The following SLC4A4 variants were observed in gnomAD, a reference collection of about 807,000 sequenced individuals.
The protein encoded by SLC4A4 is solute carrier family 4 member 4, also known as electrogenic sodium bicarbonate cotransporter 1.
A neutral mutation model predicts 111.5 loss-of-function variants in SLC4A4; 27 were observed. The observed-to-expected ratio is 0.24, with a 90% CI of 0.18 to 0.33. The LOEUF (loss-of-function observed/expected upper bound fraction) is 0.33, where lower values mean the gene tolerates loss of function less well. SLC4A4 is among the 10% of genes least tolerant of loss of function. The pLI is 1.00. For synonymous variants in SLC4A4, 443 were observed against 463.4 expected, an observed-to-expected ratio of 0.96 and a Z score of 0.57; for missense variants, 909 against 1,315.5, an observed-to-expected ratio of 0.69 and a Z score of 4.78.
chr4:71,252,762 C>T (rs999224513), intron 2 of SLC4A4, among the ~76,000 whole-genome samples: 1 of 152,098 alleles, frequency 6.6e-6, no homozygotes. Flanking sequence ...CAGAGAGTGA[C>T]TGCAAATGGA....
chr4:71,384,815 G>A (rs1273789280), intron 6 of SLC4A4, among the ~76,000 whole-genome samples: 1 of 151,342 alleles, frequency 6.6e-6, no homozygotes, highest in African/African-American at 2.4e-5. Flanking sequence ...ATATTGACAG[G>A]GTCTTTTGAC....
intron 16 of SLC4A4, among the ~76,000 whole-genome samples, chr4:71,526,006 A>T (rs1187740358): frequency 6.6e-6 from 1 of 151,988 alleles, no homozygotes; most frequent in Non-Finnish European, 1.5e-5. Flanking sequence ...TACAGACCCC[A>T]TTGTGTATCT....
chr4:71,153,395 T>C (rs188425736), intron 2 of SLC4A4, among the ~76,000 whole-genome samples: 3 of 152,210 alleles, frequency 2.0e-5, no homozygotes, highest in Admixed American at 2.0e-4. Context: ...TCCAATCAAG[T>C]TGACGCTCAG....
intron 3 of SLC4A4, among the ~76,000 whole-genome samples, chr4:71,311,888 TGTGAGAGAGA>T (rs1188360799): frequency 1.0e-3 from 33 of 31,566 alleles, no homozygotes; most frequent in African/African-American, 2.1e-3. Flanking sequence ...TGTGCAAGGC[TGTGAGAGAGA>T]GAGAGAGAGA....
intron 18 of SLC4A4, among the ~76,000 whole-genome samples, chr4:71,537,214 C>A (rs764997095): frequency 2.7e-5 from 4 of 150,516 alleles, no homozygotes; most frequent in Non-Finnish European, 5.9e-5. Flanking sequence ...GGGTAACAGA[C>A]TCTAATGCGT....
chr4:71,496,076 G>T (rs1730379322), intron 15 of SLC4A4, among the ~76,000 whole-genome samples: 1 of 152,074 alleles, frequency 6.6e-6, no homozygotes, highest in African/African-American at 2.4e-5. Context: ...TATTAAGCAA[G>T]GGGATGAGCA....
intron 2 of SLC4A4, among the ~76,000 whole-genome samples, chr4:71,244,947 T>C (rs888920344): frequency 1.1e-4 from 17 of 152,150 alleles, no homozygotes; most frequent in African/African-American, 3.9e-4. Context: ...ACAAGGTTAG[T>C]TGACATGGTA....
intron 18 of SLC4A4, among the ~76,000 whole-genome samples, chr4:71,544,220 T>G (rs905872078): frequency 2.6e-5 from 4 of 151,856 alleles, no homozygotes; most frequent in African/African-American, 9.7e-5. Context: ...TCACCTAGGT[T>G]GAGGAAGGAA....
intron 18 of SLC4A4, among the ~76,000 whole-genome samples, chr4:71,538,450 T>A (rs969226537): frequency 6.6e-6 from 1 of 152,172 alleles, no homozygotes; most frequent in Non-Finnish European, 1.5e-5. Context: ...GTCAGTCTTT[T>A]GTCACAAATC....
intron 1 of SLC4A4, among the ~76,000 whole-genome samples, chr4:71,084,990 A>G (rs1311984075): frequency 1.3e-5 from 2 of 152,082 alleles, no homozygotes; most frequent in Non-Finnish European, 2.9e-5. Context: ...ACTAACTTCC[A>G]CAATGGTTGA....
intron 3 of SLC4A4, among the ~76,000 whole-genome samples, chr4:71,256,940 A>G (rs1024320342): frequency 1.3e-5 from 2 of 152,146 alleles, no homozygotes; most frequent in African/African-American, 2.4e-5. Flanking sequence ...ACAAGAGTGC[A>G]TCATCACTAT....
intron 2 of SLC4A4, among the ~76,000 whole-genome samples, chr4:71,143,582 C>T (rs1744072955): frequency 6.6e-6 from 1 of 152,180 alleles, no homozygotes; most frequent in Non-Finnish European, 1.5e-5. Context: ...AAAAGTGTTC[C>T]CATTTCTCCA....
intron 3 of SLC4A4, among the ~76,000 whole-genome samples, chr4:71,323,411 A>G (rs1395990311): frequency 1.3e-5 from 2 of 152,006 alleles, no homozygotes; most frequent in Admixed American, 1.3e-4. Flanking sequence ...GAATTTTTTT[A>G]TTCACTAAAG....
intron 6 of SLC4A4, among the ~76,000 whole-genome samples, chr4:71,365,892 A>C (rs539313345): frequency 1.3e-5 from 2 of 152,340 alleles, no homozygotes; most frequent in South Asian, 4.1e-4. Flanking sequence ...GGAGGAACCC[A>C]GTGTGCTTAA....
chr4:71,339,005 T>C, intron 3 of SLC4A4: 1 of 1,372,942 alleles, frequency 7.3e-7, no homozygotes, highest in Non-Finnish European at 9.5e-7. Context: ...AAGTGACTGG[T>C]TCAAGCTGGC....
At chr4:71,122,544 C>T (rs1743461256) in intron 2 of SLC4A4, among the ~76,000 whole-genome samples, 1 of 151,756 alleles carries the variant, frequency 6.6e-6, no homozygotes. Context: ...TTTGACCCCA[C>T]AGAACTTTAT....
At chr4:71,294,899 CAGTTT>C (rs1391462958) in intron 3 of SLC4A4, among the ~76,000 whole-genome samples, 2 of 152,130 alleles carry the variant, frequency 1.3e-5, no homozygotes, top group Non-Finnish European at 2.9e-5. Context: ...GTCAAAAAGA[CAGTTT>C]AGTTTTTTCC....
chr4:71,356,909 G>C, intron 5 of SLC4A4, 99 bp from the exon 6 acceptor site: 2 of 1,062,430 alleles, frequency 1.9e-6, no homozygotes, highest in Middle Eastern at 2.1e-4. Context: ...ACAATATCTT[G>C]CTATTAAATT....
intron 1 of SLC4A4, among the ~76,000 whole-genome samples, chr4:71,201,597 C>A (rs1359500140): frequency 6.6e-6 from 1 of 152,106 alleles, no homozygotes; most frequent in African/African-American, 2.4e-5. Flanking sequence ...ATGTGAAATG[C>A]CTAGAAAAAT....
Sources: allele counts gnomAD v4.1 joint callset (sites outside exome capture counted in the v4.1 genomes callset), GRCh38; gene constraint gnomAD v4.1.1; transcripts MANE v1.5; gene names NCBI Gene and HGNC (gene_info 2026-07-23, HGNC 2026-07-21).